The following NPSR1 variants were observed in gnomAD, a reference collection of about 807,000 sequenced individuals.
NPSR1 encodes neuropeptide S receptor.
In NPSR1, 48 loss-of-function variants were observed where a neutral mutation model predicts 46.9. That is an observed-to-expected ratio of 1.02 (90% CI 0.81 to 1.30). NPSR1 has a LOEUF of 1.30. NPSR1 is among the 50% of genes most tolerant of loss of function. The pLI is 0.00. For missense variants in NPSR1, 450 were observed against 449.5 expected, an observed-to-expected ratio of 1.00 and a Z score of -0.01; for synonymous variants, 176 against 168.1, an observed-to-expected ratio of 1.05 and a Z score of -0.36.
chr7:34,772,581 A>C (rs1240230208), intron 2 of NPSR1, among the ~76,000 whole-genome samples: 1 of 152,176 alleles, frequency 6.6e-6, no homozygotes, highest in East Asian at 1.9e-4. Flanking sequence ...AAAAGAGTCA[A>C]TACTTGCCTT....
intron 2 of NPSR1, among the ~76,000 whole-genome samples, chr7:34,773,963 A>G (rs1786814771): frequency 6.6e-6 from 1 of 151,930 alleles, no homozygotes; most frequent in South Asian, 2.1e-4. Flanking sequence ...TCTGTCTCAG[A>G]CTCTTGTTTC....
chr7:34,810,539 A>T (rs1282432534), intron 3 of NPSR1, among the ~76,000 whole-genome samples: 1 of 152,212 alleles, frequency 6.6e-6, no homozygotes, highest in Admixed American at 6.5e-5. Context: ...GAGCTCTCTG[A>T]TGGTGTCAGT....
At chr7:34,660,571 T>TA (rs1344644880) in intron 1 of NPSR1, among the ~76,000 whole-genome samples, 14 of 151,764 alleles carry the variant, frequency 9.2e-5, no homozygotes, top group East Asian at 5.8e-4. Context: ...TCAAAAGCAG[T>TA]AAAAAAAATA....
intron 2 of NPSR1, among the ~76,000 whole-genome samples, chr7:34,694,402 A>G (rs569300706): frequency 3.9e-5 from 6 of 152,188 alleles, no homozygotes; most frequent in African/African-American, 1.4e-4. Context: ...GATCTTAACA[A>G]TAGCCACAAA....
At chr7:34,870,813 C>A (rs1329929721) in intron 8 of NPSR1, among the ~76,000 whole-genome samples, 1 of 151,420 alleles carries the variant, frequency 6.6e-6, no homozygotes, top group Non-Finnish European at 1.5e-5. Flanking sequence ...CTCATCTAGA[C>A]ATGAAAAAAC....
At chr7:34,673,099 T>A (rs1039257834) in intron 1 of NPSR1, among the ~76,000 whole-genome samples, 2 of 152,188 alleles carry the variant, frequency 1.3e-5, no homozygotes, top group Admixed American at 1.3e-4. Flanking sequence ...TCAGCTCACA[T>A]AACAGTCTCT....
At chr7:34,823,409 AAAAAAAAC>A (rs1170626869) in intron 4 of NPSR1, among the ~76,000 whole-genome samples, 1 of 146,552 alleles carries the variant, frequency 6.8e-6, no homozygotes, top group Non-Finnish European at 1.5e-5. Flanking sequence ...GAAAAAAAAA[AAAAAAAAC>A]AACACCATAA....
chr7:34,824,723 C>T (rs1220697381), intron 4 of NPSR1, among the ~76,000 whole-genome samples: 2 of 152,132 alleles, frequency 1.3e-5, no homozygotes, highest in Non-Finnish European at 2.9e-5. Context: ...TTTGTGGGGC[C>T]CAGGAGTCAC....
chr7:34,857,207 T>C (rs1584148807), intron 8 of NPSR1, among the ~76,000 whole-genome samples: 1 of 151,734 alleles, frequency 6.6e-6, no homozygotes. Flanking sequence ...TTCAAATTGA[T>C]CTCTGAAGAT....
chr7:34,725,126 GACACACACACACACTC>G, intron 2 of NPSR1, among the ~76,000 whole-genome samples: 1 of 112,066 alleles, frequency 8.9e-6, no homozygotes, highest in East Asian at 2.3e-4. Context: ...CACACACACA[GACACACACACACACTC>G]ACACACACAC....
chr7:34,668,854 A>C (rs1156454784), intron 1 of NPSR1, among the ~76,000 whole-genome samples: 1 of 152,194 alleles, frequency 6.6e-6, no homozygotes, highest in Non-Finnish European at 1.5e-5. Flanking sequence ...TGGCCAAAGT[A>C]AGTTCATGGT....
At chr7:34,663,829 T>C (rs553093646) in intron 1 of NPSR1, among the ~76,000 whole-genome samples, 2 of 152,300 alleles carry the variant, frequency 1.3e-5, no homozygotes, top group South Asian at 4.1e-4. Flanking sequence ...CCATTTCTCT[T>C]CCAGCTGTTT....
At chr7:34,860,806 C>T (rs949843637) in intron 8 of NPSR1, among the ~76,000 whole-genome samples, 2 of 151,878 alleles carry the variant, frequency 1.3e-5, no homozygotes, top group African/African-American at 4.9e-5. Context: ...TTTGACCTCA[C>T]AGACCCCCAG....
At chr7:34,820,714 G>A (rs150015586) in intron 4 of NPSR1, among the ~76,000 whole-genome samples, 98 of 152,230 alleles carry the variant, frequency 6.4e-4, no homozygotes, top group African/African-American at 2.3e-3. Flanking sequence ...AAATGGCAGG[G>A]TTGGGTAGTG....
At chr7:34,666,641 T>C (rs750889436) in intron 1 of NPSR1, among the ~76,000 whole-genome samples, 42 of 152,190 alleles carry the variant, frequency 2.8e-4, no homozygotes, top group Non-Finnish European at 8.8e-5. Flanking sequence ...AAATCTTTGT[T>C]TAAGCCACTG....
intron 2 of NPSR1, chr7:34,752,016 T>C (rs1785563435): frequency 3.9e-6 from 3 of 766,770 alleles, no homozygotes; most frequent in African/African-American, 3.4e-5. Context: ...GCACACCTGC[T>C]GGGCCAGCCG....
chr7:34,840,155 CAAAATACTTTCCTACTTGAAGG>C (rs1477285254), intron 6 of NPSR1, among the ~76,000 whole-genome samples: 47 of 152,188 alleles, frequency 3.1e-4, no homozygotes, highest in Non-Finnish European at 5.6e-4. Context: ...AAAGGGAATG[CAAAATACTTTCCTACTTGAAGG>C]TTCAGAGATA....
chr7:34,695,081 AG>A (rs1562657410), intron 2 of NPSR1, among the ~76,000 whole-genome samples: 1 of 152,230 alleles, frequency 6.6e-6, no homozygotes, highest in East Asian at 1.9e-4. Context: ...ACAAGGCTGT[AG>A]TAACTAAAAC....
At chr7:34,747,129 C>CAAAAAAAAAAAAAA (rs5883471) in intron 2 of NPSR1, among the ~76,000 whole-genome samples, 1 of 106,958 alleles carries the variant, frequency 9.3e-6, no homozygotes, top group Non-Finnish European at 1.9e-5. Flanking sequence ...ACCAAAAAAA[C>CAAAAAAAAAAAAAA]AAAAAAAAAA....
Sources: allele counts gnomAD v4.1 joint callset (sites outside exome capture counted in the v4.1 genomes callset), GRCh38; gene constraint gnomAD v4.1.1; transcripts MANE v1.5; gene names NCBI Gene and HGNC (gene_info 2026-07-23, HGNC 2026-07-21).